Variants in LVRN observed in about 807,000 individuals in gnomAD.
LVRN encodes aminopeptidase Q.
In LVRN, 99 loss-of-function variants were observed where a neutral mutation model predicts 111.4. The ratio of observed to expected loss-of-function variants is 0.89; its 90% CI spans 0.76 to 1.05. The LOEUF is 1.05. Ranked by LOEUF, LVRN falls within the 50% of genes least tolerant of loss-of-function variation. The pLI is 0.00. For missense variants in LVRN, 1,414 were observed against 1,206.8 expected, an observed-to-expected ratio of 1.17 and a Z score of -2.54; for synonymous variants, 488 against 449.5, an observed-to-expected ratio of 1.09 and a Z score of -1.08.
At chr5:115,997,981 A>G (rs998518767) in intron 6 of LVRN, among the ~76,000 whole-genome samples, 1 of 152,212 alleles carries the variant, frequency 6.6e-6, no homozygotes, top group African/African-American at 2.4e-5. Context: ...TATACCAGGC[A>G]GGCAGAAGAA....
intron 1 of LVRN, among the ~76,000 whole-genome samples, chr5:115,972,781 T>C (rs1023150491): frequency 1.6e-4 from 25 of 152,152 alleles, no homozygotes; most frequent in African/African-American, 5.5e-4. Context: ...TTCCTTTTAT[T>C]TATAATTTTC....
intron 1 of LVRN, among the ~76,000 whole-genome samples, chr5:115,977,090 C>G (rs1393306862): frequency 6.6e-6 from 1 of 152,204 alleles, no homozygotes; most frequent in Non-Finnish European, 1.5e-5. Flanking sequence ...GTACCCTTCC[C>G]TGGTACTTAT....
intron 1 of LVRN, among the ~76,000 whole-genome samples, chr5:115,981,647 T>C (rs1005155195): frequency 6.6e-6 from 1 of 152,170 alleles, no homozygotes; most frequent in Non-Finnish European, 1.5e-5. Context: ...AGTCACCCTG[T>C]TGTGCTATTA....
intron 4 of LVRN, among the ~76,000 whole-genome samples, chr5:115,990,205 G>T (rs1384806619): frequency 6.6e-6 from 1 of 152,148 alleles, no homozygotes; most frequent in Non-Finnish European, 1.5e-5. Context: ...ATATTATAGT[G>T]ACTGGTAGAG....
At chr5:115,993,137 C>T (rs915432741) in intron 5 of LVRN, among the ~76,000 whole-genome samples, 1 of 151,282 alleles carries the variant, frequency 6.6e-6, no homozygotes, top group Admixed American at 6.6e-5. Flanking sequence ...CCAGGGCTTG[C>T]GTTTGTTAGT....
At chr5:115,980,436 A>T (rs1753538847) in intron 1 of LVRN, among the ~76,000 whole-genome samples, 1 of 152,034 alleles carries the variant, frequency 6.6e-6, no homozygotes, top group African/African-American at 2.4e-5. Flanking sequence ...GAAATAGTTG[A>T]ATTAAATTTG....
chr5:115,965,955 T>C (rs1753192814), intron 1 of LVRN, among the ~76,000 whole-genome samples: 1 of 152,202 alleles, frequency 6.6e-6, no homozygotes. Flanking sequence ...CTCATACTTT[T>C]TTCTAACTTT....
intron 11 of LVRN, 152 bp from the exon 12 acceptor site, chr5:116,003,089 T>C (rs936191817): frequency 2.3e-6 from 2 of 878,974 alleles, no homozygotes; most frequent in South Asian, 1.9e-5. Flanking sequence ...GTGAAAAATA[T>C]ATAATTACCT....
At chr5:115,988,073 G>C in intron 4 of LVRN, 134 bp downstream of exon 4, 1 of 1,214,100 alleles carries the variant, frequency 8.2e-7, no homozygotes, top group South Asian at 1.5e-5. Flanking sequence ...TTAGCCTCCT[G>C]ACCTATGCCT....
chr5:115,964,128 C>T (rs1753151559), intron 1 of LVRN, among the ~76,000 whole-genome samples: 1 of 152,200 alleles, frequency 6.6e-6, no homozygotes, highest in Admixed American at 6.5e-5. Flanking sequence ...TACTGTCCTC[C>T]GGCGAACTCC....
At chr5:115,989,218 G>A (rs12187953) in intron 4 of LVRN, among the ~76,000 whole-genome samples, 6,782 of 152,208 alleles carry the variant, frequency 0.045, 200 homozygotes, top group Non-Finnish European at 0.069. Flanking sequence ...GGTTAAGTCC[G>A]AAGTCAGTAC....
At position 116,002,922 on chromosome 5, in the gene LVRN, A is replaced by G. The variant is rs773774374; in HGVS notation, c.1897+11A>G. ...TAGATCAAAGCAGCAGTAAGTAACA[A>G]ATTTTAAAAACATCTTTATATATAT... On this transcript the variant is annotated intron_variant, in intron 11 of 19. Coordinates refer to ENST00000357872, the MANE Select transcript of LVRN (RefSeq NM_173800.5). 1 of 1,568,526 alleles carries G rather than the reference A, an allele frequency of 6.4e-7. No homozygotes were observed. The highest frequency in any genetic ancestry group is 1.1e-5 in the South Asian group (1 of 87,624).
rs373557032 is a variant in LVRN at position 116,015,778 on chromosome 5, G to A, written c.2756+13G>A. The A allele has an allele frequency of 5.3e-5, 86 of 1,611,808 alleles. No individual in the cohort carries two copies. Among genetic ancestry groups the A allele is most frequent in the Non-Finnish European group, 7.3e-5 (86 of 1,178,992 alleles). The stretch of plus-strand genomic sequence containing the variant: ...CTGTGAGTAAAAGGTAAGAAGGAAA[G>A]TGAGACCTTTCTTTCATTTAGGCCA... On this transcript the variant is annotated intron_variant, in intron 18 of 19. Coordinates refer to ENST00000357872, the MANE Select transcript of LVRN (RefSeq NM_173800.5).
Position 116,026,341 on chromosome 5 carries a change from A to G in LVRN, c.*223A>G. 1 of 560,478 alleles carries G rather than the reference A, an allele frequency of 1.8e-6. No individual in the cohort carries two copies. Among genetic ancestry groups the G allele is most frequent in the Non-Finnish European group, 3.1e-6 (1 of 322,686 alleles). 34.7% of individuals were successfully genotyped at this position (560,478 alleles called of 1,614,324 possible). A position where few individuals can be genotyped will look rare whatever the true frequency, so the allele number is the denominator to read the frequency against. ...CTGCTGTATTTCTGGGAAAGATGTCACTTCATGTTGGGTTATAATCCCACA... is the reference window on the plus strand; with the variant it reads ...CTGCTGTATTTCTGGGAAAGATGTCGCTTCATGTTGGGTTATAATCCCACA... On this transcript the variant is annotated 3_prime_UTR_variant, in exon 20 of 20. Transcript: ENST00000357872.
At chr5:116,014,587 T>A in intron 16 of LVRN, 60 bp downstream of exon 16, 1 of 1,339,492 alleles carries the variant, frequency 7.5e-7, no homozygotes, top group Non-Finnish European at 1.1e-6. Flanking sequence ...GCAATTTCCC[T>A]TTTTGATGTA....
At chr5:116,001,734 C>T (rs1274432027) in intron 10 of LVRN, among the ~76,000 whole-genome samples, 2 of 152,140 alleles carry the variant, frequency 1.3e-5, no homozygotes, top group African/African-American at 4.8e-5. Flanking sequence ...GCCATACCCA[C>T]AACATTAGAA....
intron 12 of LVRN, among the ~76,000 whole-genome samples, chr5:116,004,377 GC>G (rs1241934417): frequency 2.2e-4 from 34 of 152,312 alleles, no homozygotes; most frequent in African/African-American, 8.2e-4. Context: ...GCTGTGACTT[GC>G]TGTGAGCCCG....
In LVRN at chr5:115,984,625, C is replaced by T. The variant is rs1382740187; in HGVS notation, c.894C>T (p.Ser298=). ...NGSKWTVTTF[S]TTPHMPTYLV... is the part of the protein sequence containing the mutation. ...GCAAATGGACTGTTACAACCTTTTCCACTACGCCCCACATGCCAACTTACT... is the reference window on the plus strand; with the variant it reads ...GCAAATGGACTGTTACAACCTTTTCTACTACGCCCCACATGCCAACTTACT... Residue 298 remains serine, a synonymous_variant, in exon 3 of 20, where the codon TCC becomes TCT. Coordinates refer to ENST00000357872, the MANE Select transcript of LVRN (RefSeq NM_173800.5). 1.2e-6 allele frequency: 2 copies of T among 1,613,512 alleles called. No individual in the cohort carries two copies. The highest frequency in any genetic ancestry group is 2.7e-5 in the African/African-American group (2 of 74,860).
At chr5:116,013,445 C>G (rs925842529) in intron 15 of LVRN, among the ~76,000 whole-genome samples, 1 of 152,110 alleles carries the variant, frequency 6.6e-6, no homozygotes, top group Non-Finnish European at 1.5e-5. Flanking sequence ...AAGTAGCCTA[C>G]TTTTTATAGC....
Sources: gnomAD v4.1 joint callset for allele counts (sites outside exome capture counted in the v4.1 genomes callset) on GRCh38, gnomAD v4.1.1 for gene constraint, MANE v1.5 for transcripts, NCBI Gene and HGNC (gene_info 2026-07-23, HGNC 2026-07-21) for gene names.